The following PCDHA10 variants were observed in gnomAD, a reference collection of about 807,000 sequenced individuals.
PCDHA10 encodes the protein protocadherin alpha-10.
PCDHA10 carries 45 observed loss-of-function variants against 61.2 expected under a neutral mutation model. The observed-to-expected ratio is 0.74, with a 90% CI of 0.58 to 0.94. The LOEUF is 0.94. Ranked by LOEUF, PCDHA10 falls within the 40% of genes least tolerant of loss-of-function variation. PCDHA10 has a pLI of 0.00. For synonymous variants in PCDHA10, 602 were observed against 548.8 expected, an observed-to-expected ratio of 1.10 and a Z score of -1.35; for missense variants, 1,278 against 1,236.2, an observed-to-expected ratio of 1.03 and a Z score of -0.51.
At chr5:140,934,590 G>T (rs1305372783) in intron 1 of PCDHA10, among the ~76,000 whole-genome samples, 4 of 151,886 alleles carry the variant, frequency 2.6e-5, no homozygotes, top group Admixed American at 2.6e-4. Context: ...TCTGTAATGG[G>T]TCTTCAACTA....
chr5:140,986,042 C>T (rs1344724281), intron 3 of PCDHA10, among the ~76,000 whole-genome samples: 1 of 152,104 alleles, frequency 6.6e-6, no homozygotes, highest in Admixed American at 6.5e-5. Context: ...CCTGGCCTCA[C>T]TGATGAATTC....
At chr5:140,941,197 TTCTTC>T (rs1554213863) in intron 1 of PCDHA10, among the ~76,000 whole-genome samples, 1 of 112,110 alleles carries the variant, frequency 8.9e-6, no homozygotes. Context: ...TTTTTTTTCT[TTCTTC>T]CTTTCTTTCT....
At position 141,010,302 on chromosome 5, in the gene PCDHA10, A is replaced by C; in HGVS notation, c.*365A>C. On this transcript the variant is annotated 3_prime_UTR_variant, in exon 4 of 4. Coordinates refer to ENST00000307360, the MANE Select transcript of PCDHA10 (RefSeq NM_018901.4). ...TGATGACACTTGCAGGGCAGGCTGA[A>C]AAGTTTTGAGATTGAGCAGCTTGGG... The C allele has an allele frequency of 6.5e-7, 1 of 1,549,074 alleles. No individual in the cohort carries two copies. The highest frequency in any genetic ancestry group is 8.7e-7 in the Non-Finnish European group (1 of 1,146,244).
chr5:140,859,141 A>T (rs1275943443), intron 1 of PCDHA10: 1 of 150,200 alleles, frequency 6.7e-6, no homozygotes, highest in African/African-American at 2.4e-5. Context: ...ACATAATTTT[A>T]TCCAGTAGCT....
At chr5:140,958,578 A>G (rs2095431763) in intron 1 of PCDHA10, among the ~76,000 whole-genome samples, 1 of 152,206 alleles carries the variant, frequency 6.6e-6, no homozygotes, top group Non-Finnish European at 1.5e-5. Context: ...TGAGATTTTA[A>G]ATGAGCTTAT....
chr5:140,879,973 C>T (rs1554171113), intron 1 of PCDHA10, among the ~76,000 whole-genome samples: 1 of 152,200 alleles, frequency 6.6e-6, no homozygotes, highest in East Asian at 1.9e-4. Context: ...GGATAAACTC[C>T]TTTCAAGATC....
intron 1 of PCDHA10, among the ~76,000 whole-genome samples, chr5:140,943,416 A>T (rs556948015): frequency 2.6e-5 from 4 of 152,286 alleles, no homozygotes; most frequent in African/African-American, 9.6e-5. Flanking sequence ...GACTAGAGGC[A>T]AGGGCTTTAA....
In PCDHA10 at chr5:140,856,264, C is replaced by G; in HGVS notation, c.216C>G (p.Asp72Glu). 2 of 1,598,114 alleles carry G rather than the reference C, an allele frequency of 1.3e-6. No individual in the cohort carries two copies. The highest frequency in any genetic ancestry group is 1.7e-6 in the Non-Finnish European group (2 of 1,167,906). Residue 72 changes from aspartate to glutamate, a missense_variant, in exon 1 of 4, where the codon GAC becomes GAG. By Grantham distance (45) the Asp-to-Glu change is conservative (BLOSUM62 2). Coordinates refer to ENST00000307360, the MANE Select transcript of PCDHA10 (RefSeq NM_018901.4). ...LFRVASKRHG[D>E]LLEVNLQNGI... The stretch of plus-strand genomic sequence containing the variant: ...GGGTGGCGTCCAAAAGACACGGGGA[C>G]CTTCTGGAGGTAAATCTGCAGAATG...
At chr5:140,884,181 A>G in intron 1 of PCDHA10, 1 of 1,613,332 alleles carries the variant, frequency 6.2e-7, no homozygotes, top group Non-Finnish European at 8.5e-7. Context: ...CGCCCTCTGG[A>G]CGAGGTGGAC....
intron 1 of PCDHA10, chr5:140,869,913 C>A (rs782111162): frequency 6.2e-7 from 1 of 1,610,636 alleles, no homozygotes; most frequent in African/African-American, 1.3e-5. Flanking sequence ...CAGACCGAGA[C>A]GAAGGAGTCA....
Position 140,884,301 on chromosome 5 carries a change from C to T in PCDHA10, c.2388+25865C>T, listed in dbSNP as rs375535055. On this transcript the variant is annotated intron_variant, in intron 1 of 3. Transcript: ENST00000307360. ...GTGGAGAGCGGCCAAGCGCCACAGG[C>T]TTCGTCGAGGGCGTCGGCAGGCGCT... 4.3e-6 allele frequency: 7 copies of T among 1,613,608 alleles called. No homozygotes were observed. The African/African-American group carries it at 8.0e-5, about 18-fold the overall frequency.
chr5:140,949,659 T>A (rs940241933), intron 1 of PCDHA10, among the ~76,000 whole-genome samples: 12 of 151,994 alleles, frequency 7.9e-5, no homozygotes, highest in Middle Eastern at 6.8e-3. Context: ...TACTTTTGTT[T>A]CTTTAAAGTA....
At chr5:140,941,743 C>G (rs2093156279) in intron 1 of PCDHA10, among the ~76,000 whole-genome samples, 1 of 152,172 alleles carries the variant, frequency 6.6e-6, no homozygotes, top group Admixed American at 6.5e-5. Context: ...ATTATCTTAT[C>G]AGATTTTCAG....
intron 1 of PCDHA10, among the ~76,000 whole-genome samples, chr5:140,894,449 A>G (rs1227566097): frequency 6.6e-6 from 1 of 151,950 alleles, no homozygotes; most frequent in Non-Finnish European, 1.5e-5. Flanking sequence ...TCTTTTTTAA[A>G]AAATATTTTA....
At chr5:140,922,863 G>A (rs1429324543) in intron 1 of PCDHA10, among the ~76,000 whole-genome samples, 10 of 152,160 alleles carry the variant, frequency 6.6e-5, no homozygotes, top group Admixed American at 5.2e-4. Context: ...ACATAGACAA[G>A]GGGAAAAAAT....
At chr5:140,964,013 A>G (rs155811) in intron 1 of PCDHA10, among the ~76,000 whole-genome samples, 53,810 of 151,994 alleles carry the variant, frequency 0.35, 9,678 homozygotes, top group East Asian at 0.53. Context: ...TTTTTAATAG[A>G]GAGCTCTTGA....
At chr5:140,978,851 C>T (rs2096826375) in intron 1 of PCDHA10, 98 bp from the exon 2 acceptor site, 2 of 1,578,528 alleles carry the variant, frequency 1.3e-6, no homozygotes, top group South Asian at 2.3e-5. Flanking sequence ...TTTTTAGATG[C>T]CTGGAAATAT....
At chr5:140,911,539 C>T (rs1554194791) in intron 1 of PCDHA10, among the ~76,000 whole-genome samples, 1 of 152,194 alleles carries the variant, frequency 6.6e-6, no homozygotes, top group African/African-American at 2.4e-5. Context: ...ATTAGAATCC[C>T]TAAGTTCATC....
chr5:140,894,941 C>T (rs2064738715), intron 1 of PCDHA10, among the ~76,000 whole-genome samples: 1 of 152,272 alleles, frequency 6.6e-6, no homozygotes, highest in East Asian at 1.9e-4. Context: ...CAGCTATTGT[C>T]ATGAAATGAT....
Sources: allele counts gnomAD v4.1 joint callset (sites outside exome capture counted in the v4.1 genomes callset), GRCh38; gene constraint gnomAD v4.1.1; transcripts MANE v1.5; gene names NCBI Gene and HGNC (gene_info 2026-07-23, HGNC 2026-07-21).